DNM3: variants seen among roughly 807,000 people sequenced by gnomAD.
DNM3 encodes dynamin 3.
In DNM3, 47 loss-of-function variants were observed where a neutral mutation model predicts 101.6. That is an observed-to-expected ratio of 0.46 (90% CI 0.37 to 0.59). DNM3 has a LOEUF of 0.59. DNM3 is among the 20% of genes least tolerant of loss of function. DNM3 has a pLI of 0.00. For synonymous variants in DNM3, 385 were observed against 387.9 expected (o/e 0.99, Z 0.09); for missense variants, 849 against 1,085.7 (o/e 0.78, Z 3.06).
chr1:171,988,398 G>A (rs1394607996), intron 3 of DNM3, among the ~76,000 whole-genome samples: 1 of 151,712 alleles, frequency 6.6e-6, no homozygotes, highest in Non-Finnish European at 1.5e-5. Flanking sequence ...AGGGTACTTG[G>A]TGCCAACATT....
At position 172,236,330 on chromosome 1, in the gene DNM3, C is replaced by T. The variant is rs557209657; in HGVS notation, c.1660-17243C>T. ...AGAACCTATAAAAAATAATGTAGTA[C>T]GATGTTTTTGTTATACTTCAAGAAT... On this transcript the variant is annotated intron_variant, in intron 14 of 20. Coordinates refer to ENST00000627582, the MANE Select transcript of DNM3 (RefSeq NM_015569.5). 4.3e-4 allele frequency among the ~76,000 whole-genome samples: 65 copies of T among 152,012 alleles called. 1 individual carries two copies. The highest frequency in any genetic ancestry group is 1.3e-3 in the African/African-American group (55 of 41,484).
chr1:172,410,807 A>C lies in DNM3; in HGVS notation c.*2966A>C. ...GTAAGCCTTCTCGACTTAGACTTAA[A>C]AAGTGGTCACATAGATTAATTTTGT... On this transcript the variant is annotated 3_prime_UTR_variant, in exon 21 of 21. Coordinates refer to ENST00000627582, the MANE Select transcript of DNM3 (RefSeq NM_015569.5). 2 of 985,324 alleles carry C rather than the reference A, an allele frequency of 2.0e-6. No individual in the cohort carries two copies. The highest frequency in any genetic ancestry group is 1.7e-5 in the African/African-American group (1 of 57,342). The allele number at this position is 985,324 out of a possible 1,614,324, so 61.0% of individuals were successfully genotyped here.
chr1:171,880,992 T>C (rs566535420), intron 1 of DNM3, among the ~76,000 whole-genome samples: 13 of 152,300 alleles, frequency 8.5e-5, no homozygotes, highest in South Asian at 6.2e-4. Flanking sequence ...GGCTAATTTA[T>C]TGGAAATTGT....
At chr1:171,901,105 T>G in intron 1 of DNM3, among the ~76,000 whole-genome samples, 1 of 86,058 alleles carries the variant, frequency 1.2e-5, no homozygotes, top group East Asian at 3.2e-4. Flanking sequence ...AGAGCGAGAC[T>G]CTGTCTCAAA....
At chr1:172,367,168 C>A (rs1330621950) in intron 17 of DNM3, among the ~76,000 whole-genome samples, 1 of 151,498 alleles carries the variant, frequency 6.6e-6, no homozygotes, top group African/African-American at 2.4e-5. Context: ...CAGTAGACAC[C>A]TTATAGGCTA....
intron 14 of DNM3, among the ~76,000 whole-genome samples, chr1:172,240,465 T>A (rs950138934): frequency 6.6e-6 from 1 of 152,194 alleles, no homozygotes; most frequent in Non-Finnish European, 1.5e-5. Context: ...AGTGATTTTC[T>A]GACCTCCATT....
At position 172,221,627 on chromosome 1, in the gene DNM3, T is replaced by A. The variant is rs2060909449; in HGVS notation, c.1660-31946T>A. 2.6e-5 allele frequency among the ~76,000 whole-genome samples: 4 copies of A among 152,254 alleles called. No homozygotes were observed. In the South Asian group the frequency reaches 8.3e-4, roughly 32 times the overall value. ...TTTCCTATGCCTGGGAATGCATTTC[T>A]TCCAGATATCCACATTGCTTATTCC... is the stretch of plus-strand genomic sequence containing the variant. On this transcript the variant is annotated intron_variant, in intron 14 of 20. Coordinates refer to ENST00000627582, the MANE Select transcript of DNM3 (RefSeq NM_015569.5).
At chr1:171,940,064 G>A (rs2041710248) in intron 2 of DNM3, among the ~76,000 whole-genome samples, 1 of 152,146 alleles carries the variant, frequency 6.6e-6, no homozygotes, top group Non-Finnish European at 1.5e-5. Context: ...TATGATCAGT[G>A]AGTTTAAGAA....
At chr1:172,113,815 C>T (rs1299593412) in intron 13 of DNM3, among the ~76,000 whole-genome samples, 1 of 151,988 alleles carries the variant, frequency 6.6e-6, no homozygotes, top group Non-Finnish European at 1.5e-5. Context: ...ATTTTAATTC[C>T]CTGATAGGCC....
At chr1:172,099,388 G>A (rs1172529875) in intron 13 of DNM3, among the ~76,000 whole-genome samples, 1 of 152,100 alleles carries the variant, frequency 6.6e-6, no homozygotes, top group African/African-American at 2.4e-5. Context: ...CTCCTGCATA[G>A]AACCTGCAAA....
At chr1:172,314,619 C>T (rs921844165) in intron 16 of DNM3, among the ~76,000 whole-genome samples, 1 of 152,194 alleles carries the variant, frequency 6.6e-6, no homozygotes, top group East Asian at 1.9e-4. Context: ...CCTACGCCCA[C>T]GGAGTCTCGC....
chr1:172,100,826 T>C (rs2054589107), intron 13 of DNM3, among the ~76,000 whole-genome samples: 1 of 152,224 alleles, frequency 6.6e-6, no homozygotes, highest in Non-Finnish European at 1.5e-5. Context: ...GCTGTGGTTC[T>C]GTTCTTGCCC....
chr1:172,164,597 A>G (rs1238162141), intron 14 of DNM3, among the ~76,000 whole-genome samples: 1 of 151,946 alleles, frequency 6.6e-6, no homozygotes, highest in African/African-American at 2.4e-5. Flanking sequence ...CCCAATGTTC[A>G]TACCCAAGTT....
intron 10 of DNM3, among the ~76,000 whole-genome samples, chr1:172,052,270 G>A (rs902135476): frequency 6.6e-6 from 1 of 152,050 alleles, no homozygotes; most frequent in African/African-American, 2.4e-5. Flanking sequence ...TCAAGGGGGT[G>A]GGGGGTGGTT....
chr1:172,377,553 C>CATAT (rs34612864), intron 17 of DNM3, among the ~76,000 whole-genome samples: 1,979 of 123,404 alleles, frequency 0.016, 58 homozygotes, highest in African/African-American at 0.041. Flanking sequence ...TGATATATAT[C>CATAT]ATATATATAT....
intron 14 of DNM3, among the ~76,000 whole-genome samples, chr1:172,214,434 TAAAGTA>T (rs1337981697): frequency 6.6e-6 from 1 of 151,500 alleles, no homozygotes; most frequent in Admixed American, 6.6e-5. Flanking sequence ...CCCTAGAACT[TAAAGTA>T]TAATAAAAAA....
intron 1 of DNM3, among the ~76,000 whole-genome samples, chr1:171,867,128 C>G (rs537503973): frequency 6.6e-6 from 1 of 152,312 alleles, no homozygotes; most frequent in East Asian, 1.9e-4. Flanking sequence ...TCCTGGAACA[C>G]TTAGGAAGGG....
intron 17 of DNM3, among the ~76,000 whole-genome samples, chr1:172,346,390 A>G (rs756333505): frequency 2.0e-5 from 3 of 152,206 alleles, no homozygotes; most frequent in Non-Finnish European, 2.9e-5. Flanking sequence ...AGGTAGACAG[A>G]GAGCAAATCG....
At chr1:171,918,424 C>G (rs951590755) in intron 1 of DNM3, among the ~76,000 whole-genome samples, 23 of 152,132 alleles carry the variant, frequency 1.5e-4, no homozygotes, top group Admixed American at 2.0e-4. Context: ...CCTGAGCTCA[C>G]ACAGCAAGAG....
Sources: allele counts gnomAD v4.1 joint callset (sites outside exome capture counted in the v4.1 genomes callset), GRCh38; gene constraint gnomAD v4.1.1; transcripts MANE v1.5; gene names NCBI Gene and HGNC (gene_info 2026-07-23, HGNC 2026-07-21).